The following A3GALT2 variants were observed in gnomAD, a reference collection of about 807,000 sequenced individuals.
A3GALT2 encodes the protein alpha-1,3-galactosyltransferase 2.
A neutral mutation model predicts 16.6 loss-of-function variants in A3GALT2; 14 were observed. The observed-to-expected ratio is 0.84, with a 90% CI of 0.56 to 1.32. A3GALT2 has a LOEUF of 1.32. A3GALT2 is among the 40% of genes most tolerant of loss of function. The probability of loss-of-function intolerance (pLI) is 0.00; values close to 1 mark genes in which losing one functional copy is unlikely to be tolerated. For synonymous variants in A3GALT2, 253 were observed against 218.0 expected (o/e 1.16, Z -1.42); for missense variants, 600 against 490.9 (o/e 1.22, Z -2.10).
rs568456301 is a variant in A3GALT2 at position 33,320,886 on chromosome 1, G to A, written c.23+190C>T. 1.1e-4 allele frequency among the ~76,000 whole-genome samples: 16 copies of A among 151,904 alleles called. No individual in the cohort carries two copies. The highest frequency in any genetic ancestry group is 2.0e-4 in the Admixed American group (3 of 15,086). On this transcript the variant is annotated intron_variant, in intron 1 of 4. Coordinates refer to ENST00000442999, the MANE Select transcript of A3GALT2 (RefSeq NM_001080438.1). The surrounding 1 kb of genome is among the most constrained non-coding windows in gnomAD (Gnocchi z 4.3). ...CCCCCACCCCGGTGTCCATGCACAC[G>A]GATTGTCTTTCTTCTCCTGGGGCAA...
intron 1 of A3GALT2, among the ~76,000 whole-genome samples, chr1:33,318,479 A>G (rs1646270945): frequency 6.6e-6 from 1 of 151,654 alleles, no homozygotes; most frequent in African/African-American, 2.4e-5. Flanking sequence ...CCGACAGCCA[A>G]GTTGTTGCTT....
intron 1 of A3GALT2, among the ~76,000 whole-genome samples, chr1:33,315,597 G>GAGATTGGTGCTCTTACACTTGC (rs1380284531): frequency 6.6e-5 from 10 of 152,160 alleles, no homozygotes; most frequent in Non-Finnish European, 7.3e-5. Context: ...AGAATGCAGT[G>GAGATTGGTGCTCTTACACTTGC]AGATTGGTGC....
At position 33,306,964 on chromosome 1, in the gene A3GALT2, G is replaced by A. The variant is rs921246381; in HGVS notation, c.825C>T (p.Gly275=). The change falls in exon 5 of 5, where the codon GGC becomes GGT. Residue 275 remains glycine, a synonymous_variant. Coordinates refer to ENST00000442999, the MANE Select transcript of A3GALT2 (RefSeq NM_001080438.1). ...GGCCGCGCGCGCGGTCCCAGTCCAG[G>A]CCCCCCGCACAGTGCGCCGTCAGCC... ...LRGLTAHCAG[G]LDWDRARGLE... is the part of the protein sequence containing the mutation. The A allele has an allele frequency of 7.3e-6, 11 of 1,501,402 alleles. No homozygotes were observed. The highest frequency in any genetic ancestry group is 2.9e-5 in the African/African-American group (2 of 68,694). 93.0% of individuals were successfully genotyped at this position (1,501,402 alleles called of 1,614,324 possible).
chr1:33,312,011 CT>C lies in A3GALT2; in HGVS notation c.335+40del. 2.5e-6 allele frequency: 4 copies of C among 1,611,440 alleles called. No individual in the cohort carries two copies. In the South Asian group the frequency reaches 4.4e-5, roughly 18 times the overall value. On this transcript the variant is annotated intron_variant, in intron 4 of 4. Coordinates refer to ENST00000442999, the MANE Select transcript of A3GALT2 (RefSeq NM_001080438.1). ...CTTCATCACATGCACACCCCTCCCA[CT>C]CACAGCTTTGACAGCACTGCTCCCC...
chr1:33,315,351 C>T (rs1324595525), intron 1 of A3GALT2, among the ~76,000 whole-genome samples: 4 of 149,066 alleles, frequency 2.7e-5, no homozygotes, highest in Non-Finnish European at 4.4e-5. Flanking sequence ...CACTGTACTC[C>T]AGCCTGGTGA....
At chr1:33,309,883 C>T (rs180863772) in intron 4 of A3GALT2, among the ~76,000 whole-genome samples, 1 of 152,364 alleles carries the variant, frequency 6.6e-6, no homozygotes. Flanking sequence ...AGAGACGCTC[C>T]TCACTTCCCA....
chr1:33,312,035 C>T lies in A3GALT2; in HGVS notation c.335+17G>A, dbSNP rs761112947. 6.2e-7 allele frequency: 1 copy of T among 1,613,248 alleles called. No individual in the cohort carries two copies. Among genetic ancestry groups the T allele is most frequent in the East Asian group, 2.2e-5 (1 of 44,876 alleles). On this transcript the variant is annotated intron_variant, in intron 4 of 4. Coordinates refer to ENST00000442999, the MANE Select transcript of A3GALT2 (RefSeq NM_001080438.1). ...ACTCACAGCTTTGACAGCACTGCTC[C>T]CCTTCCCAGGCCTTACCTGCCTACA... is the stretch of plus-strand genomic sequence containing the variant.
intron 1 of A3GALT2, among the ~76,000 whole-genome samples, chr1:33,319,604 G>T (rs577636466): frequency 6.6e-6 from 1 of 152,216 alleles, no homozygotes; most frequent in South Asian, 2.1e-4. Context: ...AGTCCTATAG[G>T]CCAGTGGTGC....
rs1220268869 is a variant in A3GALT2, at chr1:33,307,289, C to G, written c.500G>C (p.Arg167Pro). Residue 167 changes from arginine (R) to proline (P), a missense_variant, in exon 5 of 5, where the codon CGG becomes CCG. Transcript: ENST00000442999. ...RLPVERVARE[R>P]RWQDVSMARM... ...CGCCATCGACACGTCTTGCCAGCGCCGCTCGCGCGCCACGCGCTCCACGGG... is the reference window on the plus strand; with the variant it reads ...CGCCATCGACACGTCTTGCCAGCGCGGCTCGCGCGCCACGCGCTCCACGGG... 2 of 1,444,842 alleles carry G rather than the reference C, an allele frequency of 1.4e-6. No homozygotes were observed. Among genetic ancestry groups the G allele is most frequent in the African/African-American group, 1.5e-5 (1 of 67,282 alleles). 89.5% of individuals were successfully genotyped at this position (1,444,842 alleles called of 1,614,324 possible).
At chr1:33,308,197 C>T (rs1391333401) in intron 4 of A3GALT2, among the ~76,000 whole-genome samples, 2 of 149,324 alleles carry the variant, frequency 1.3e-5, no homozygotes, top group Non-Finnish European at 3.0e-5. Context: ...CTGCCTCATA[C>T]TGGCCCTTTG....
Position 33,313,175 on chromosome 1 carries a change from GTTT to G in A3GALT2, c.24-288_24-286del. 148 of 89,886 alleles carry G rather than the reference GTTT, an allele frequency of 1.6e-3. 10 individuals are homozygous for G. Among genetic ancestry groups the G allele is most frequent in the Middle Eastern group, 8.9e-3 (1 of 112 alleles). 5.6% of individuals were successfully genotyped at this position (89,886 alleles called of 1,614,324 possible). On this transcript the variant is annotated intron_variant, in intron 1 of 4. Transcript: ENST00000442999. ...CAAGTGTTTGTGGCTCAGTGACGGA[GTTT>G]TTTTTTTTTTTTTTTTTTTTTTTGA... is the stretch of plus-strand genomic sequence containing the variant.
intron 4 of A3GALT2, 72 bp downstream of exon 4, chr1:33,311,980 C>T (rs375996684): frequency 1.1e-5 from 17 of 1,584,636 alleles, no homozygotes; most frequent in Admixed American, 3.5e-5. Flanking sequence ...CAGGGTGCCC[C>T]GCCTCCTTCA....
chr1:33,316,929 G>T (rs569099260), intron 1 of A3GALT2, among the ~76,000 whole-genome samples: 1 of 152,266 alleles, frequency 6.6e-6, no homozygotes, highest in East Asian at 1.9e-4. Flanking sequence ...AGGCACATGG[G>T]TTGGGTGGGA....
intron 4 of A3GALT2, among the ~76,000 whole-genome samples, chr1:33,309,763 G>A (rs867986171): frequency 1.3e-4 from 20 of 150,656 alleles, no homozygotes; most frequent in African/African-American, 3.2e-4. Context: ...GGGCAGAGAC[G>A]CTCCTCACTT....
rs774858190 is a variant in A3GALT2 at position 33,307,183 on chromosome 1, C to T, written c.606G>A (p.Gln202=). 9 of 1,550,356 alleles carry T rather than the reference C, an allele frequency of 5.8e-6. No individual in the cohort carries two copies. In the Admixed American group the frequency reaches 1.7e-4, roughly 30 times the overall value. The change falls in exon 5 of 5, where the codon CAG becomes CAA. Residue 202 remains glutamine (Q), a synonymous_variant. Transcript: ENST00000442999. ...AHFMFCMDVD[Q]HFSGTFGPEA... Reference sequence around the variant, plus strand: ...CGGGCCCAAAAGTGCCGCTGAAGTGCTGGTCCACGTCCATGCAGAACATGA... The same window carrying T: ...CGGGCCCAAAAGTGCCGCTGAAGTGTTGGTCCACGTCCATGCAGAACATGA...
At chr1:33,310,325 A>G (rs1646227632) in intron 4 of A3GALT2, among the ~76,000 whole-genome samples, 1 of 151,766 alleles carries the variant, frequency 6.6e-6, no homozygotes. Flanking sequence ...GAGACCGGGG[A>G]GAGGGAGACC....
In A3GALT2 at chr1:33,307,476, A is replaced by G. The variant is rs554921398; in HGVS notation, c.336-23T>C. ...TATCTAAGGGCGCGGCGCCACCGTC[A>G]GCCTGAGAGTGAAGCGAGGCGGGCC... On this transcript the variant is annotated intron_variant, in intron 4 of 4. Coordinates refer to ENST00000442999, the MANE Select transcript of A3GALT2 (RefSeq NM_001080438.1). 41 of 1,453,640 alleles carry G rather than the reference A, an allele frequency of 2.8e-5. No individual in the cohort carries two copies. In the African/African-American group the frequency reaches 5.7e-4, roughly 20 times the overall value. 90.0% of individuals were successfully genotyped at this position (1,453,640 alleles called of 1,614,324 possible).
rs1350664921 is a variant in A3GALT2, at chr1:33,307,239, G to C, written c.550C>G (p.Leu184Val). Residue 184 changes from leucine (L) to valine (V), a missense_variant, in exon 5 of 5, where the codon CTG becomes GTG. Leu to Val is a conservative substitution (Grantham distance 32). Coordinates refer to ENST00000442999, the MANE Select transcript of A3GALT2 (RefSeq NM_001080438.1). ...MARMRTLHAA[L>V]GGLPGREAHF... is the part of the protein sequence containing the mutation. ...GCCTCGCGGCCCGGCAGCCCGCCCA[G>C]CGCCGCGTGCAACGTGCGCATGCGC... 10 of 1,484,094 alleles carry C rather than the reference G, an allele frequency of 6.7e-6. No homozygotes were observed. Among genetic ancestry groups the C allele is most frequent in the Non-Finnish European group, 8.0e-6 (9 of 1,118,274 alleles). The allele number at this position is 1,484,094 out of a possible 1,614,324, so 91.9% of individuals were successfully genotyped here. A position where few individuals can be genotyped will look rare whatever the true frequency, so the allele number is the denominator to read the frequency against.
chr1:33,316,425 AAAAAC>A (rs752776010), intron 1 of A3GALT2, among the ~76,000 whole-genome samples: 53 of 152,264 alleles, frequency 3.5e-4, no homozygotes, highest in Non-Finnish European at 6.6e-4. Context: ...TTTTATTTGA[AAAAAC>A]AAAACAAAAC....
Sources: allele counts gnomAD v4.1 joint callset (sites outside exome capture counted in the v4.1 genomes callset), GRCh38; gene constraint gnomAD v4.1.1; non-coding constraint Gnocchi (gnomAD v3.1); transcripts MANE v1.5; gene names NCBI Gene and HGNC (gene_info 2026-07-23, HGNC 2026-07-21).